The following NEMP2 variants were observed in gnomAD, a reference collection of about 807,000 sequenced individuals.
The protein encoded by NEMP2 is nuclear envelope integral membrane protein 2.
A neutral mutation model predicts 54.2 loss-of-function variants in NEMP2; 53 were observed. The observed-to-expected ratio is 0.98, with a 90% CI of 0.78 to 1.23. NEMP2 has a LOEUF of 1.23. NEMP2 is among the 50% of genes most tolerant of loss of function. The pLI is 0.00. For synonymous variants in NEMP2, 197 were observed against 190.3 expected (o/e 1.04, Z -0.29); for missense variants, 455 against 511.3 (o/e 0.89, Z 1.06).
chr2:190,492,902 A>G, the NEMP2 span, among the ~76,000 whole-genome samples: 13 of 152,138 alleles, frequency 8.5e-5, no homozygotes, highest in African/African-American at 2.2e-4. The surrounding 1 kb of genome is among the most constrained non-coding windows in gnomAD (Gnocchi z 5.2). Context: ...CAAATCCTGG[A>G]AACACATCCA....
chr2:190,613,960 A>G, the NEMP2 span, among the ~76,000 whole-genome samples: 5 of 121,998 alleles, frequency 4.1e-5, no homozygotes, highest in African/African-American at 1.0e-4. Context: ...TAAACTTGAG[A>G]AAGCATTTGA....
the NEMP2 span, among the ~76,000 whole-genome samples, chr2:190,431,130 C>G: frequency 6.6e-6 from 1 of 150,538 alleles, no homozygotes; most frequent in African/African-American, 2.4e-5. This position sits in a 1 kb window ranked among gnomAD's most constrained non-coding sequence, Gnocchi z 4.4. Flanking sequence ...GAGGCGCTCC[C>G]CACATCTCAG....
At chr2:190,452,398 G>A in the NEMP2 span, among the ~76,000 whole-genome samples, 40 of 152,204 alleles carry the variant, frequency 2.6e-4, no homozygotes, top group African/African-American at 6.5e-4. Flanking sequence ...CAAAAGCATC[G>A]TGCTAAATGC....
chr2:190,489,423 A>G, the NEMP2 span, among the ~76,000 whole-genome samples: 1 of 152,216 alleles, frequency 6.6e-6, no homozygotes, highest in African/African-American at 2.4e-5. The surrounding 1 kb of genome is among the most constrained non-coding windows in gnomAD (Gnocchi z 6.6). Flanking sequence ...TGTTCCAACT[A>G]CAGATTAATA....
chr2:190,525,656 C>T lies in NEMP2; in HGVS notation c.98-278G>A, dbSNP rs1196326299. Among the ~76,000 whole-genome samples, 2 of 152,008 alleles carry T rather than the reference C, an allele frequency of 1.3e-5. No individual in the cohort carries two copies. The highest frequency in any genetic ancestry group is 4.8e-5 in the African/African-American group (2 of 41,362). ...CTGAAGCAGAAGGCAGAATTATGGG[C>T]ACCTTCTCAGAAAAGACAAAAATAT... On this transcript the variant is annotated intron_variant, in intron 1 of 8. Coordinates refer to ENST00000409150, the MANE Select transcript of NEMP2 (RefSeq NM_001142645.2). The surrounding 1 kb of genome is among the most constrained non-coding windows in gnomAD (Gnocchi z 5.0).
the NEMP2 span, among the ~76,000 whole-genome samples, chr2:190,557,947 A>G: frequency 1.3e-5 from 2 of 152,236 alleles, no homozygotes; most frequent in African/African-American, 4.8e-5. Context: ...TAGAAATACC[A>G]TGTGACCTAA....
chr2:190,587,410 C>T, the NEMP2 span, among the ~76,000 whole-genome samples: 6 of 152,164 alleles, frequency 3.9e-5, no homozygotes, highest in Non-Finnish European at 7.3e-5. The surrounding 1 kb of genome is among the most constrained non-coding windows in gnomAD (Gnocchi z 5.4). Context: ...GGCAAAAACA[C>T]GGATACTCTG....
chr2:190,647,577 T>G, the NEMP2 span, among the ~76,000 whole-genome samples: 1 of 152,214 alleles, frequency 6.6e-6, no homozygotes, highest in African/African-American at 2.4e-5. Context: ...TAATGAATGC[T>G]CTCTAATCTT....
intron 1 of NEMP2, 114 bp downstream of exon 1, chr2:190,534,445 C>T: frequency 5.7e-6 from 7 of 1,230,548 alleles, no homozygotes; most frequent in South Asian, 3.5e-5. Flanking sequence ...AAGGGAGCGC[C>T]CGCCCCAGTG....
At chr2:190,441,640 G>A in the NEMP2 span, among the ~76,000 whole-genome samples, 1 of 151,974 alleles carries the variant, frequency 6.6e-6, no homozygotes, top group East Asian at 1.9e-4. Flanking sequence ...AAGACTCTAG[G>A]GAAGCTACAG....
chr2:190,431,203 C>T, the NEMP2 span, among the ~76,000 whole-genome samples: 1 of 150,578 alleles, frequency 6.6e-6, no homozygotes, highest in Non-Finnish European at 1.5e-5. This position sits in a 1 kb window ranked among gnomAD's most constrained non-coding sequence, Gnocchi z 4.4. Flanking sequence ...CGGGAAGAGG[C>T]GCTCCTCACT....
the NEMP2 span, chr2:190,617,136 A>AG: frequency 6.6e-6 from 1 of 152,110 alleles, no homozygotes; most frequent in South Asian, 2.1e-4. The surrounding 1 kb of genome is among the most constrained non-coding windows in gnomAD (Gnocchi z 5.0). Context: ...AAAAAAAAAA[A>AG]AAGAATATTT....
the NEMP2 span, among the ~76,000 whole-genome samples, chr2:190,603,883 C>G: frequency 1.3e-5 from 2 of 151,960 alleles, no homozygotes; most frequent in African/African-American, 4.8e-5. Context: ...TTTACACCCC[C>G]CACCTTTTTA....
the NEMP2 span, chr2:190,609,502 A>C: frequency 6.6e-6 from 1 of 151,994 alleles, no homozygotes; most frequent in Non-Finnish European, 1.5e-5. This position sits in a 1 kb window ranked among gnomAD's most constrained non-coding sequence, Gnocchi z 4.7. Context: ...GAATTCCTTC[A>C]TTATCTTGTC....
the NEMP2 span, among the ~76,000 whole-genome samples, chr2:190,615,072 T>C: frequency 6.6e-6 from 1 of 152,252 alleles, no homozygotes. The surrounding 1 kb of genome is among the most constrained non-coding windows in gnomAD (Gnocchi z 4.7). Context: ...TGTGGGGTTT[T>C]CTCCACATTG....
At chr2:190,452,266 CAAT>C in the NEMP2 span, among the ~76,000 whole-genome samples, 16 of 152,034 alleles carry the variant, frequency 1.1e-4, no homozygotes, top group South Asian at 2.1e-3. Context: ...AAAACAACAA[CAAT>C]AACACAACAA....
the NEMP2 span, chr2:190,437,686 T>C: frequency 1.8e-6 from 2 of 1,137,752 alleles, no homozygotes; most frequent in South Asian, 1.7e-5. This position sits in a 1 kb window ranked among gnomAD's most constrained non-coding sequence, Gnocchi z 5.9. Context: ...GGAGTGGAAA[T>C]GGGGATTTCT....
chr2:190,471,158 C>T, the NEMP2 span, among the ~76,000 whole-genome samples: 4 of 152,136 alleles, frequency 2.6e-5, no homozygotes, highest in East Asian at 1.9e-4. This position sits in a 1 kb window ranked among gnomAD's most constrained non-coding sequence, Gnocchi z 4.7. Context: ...CAGGTCTCAG[C>T]GTAAGTGACA....
At chr2:190,578,829 A>G in the NEMP2 span, among the ~76,000 whole-genome samples, 732 of 152,136 alleles carry the variant, frequency 4.8e-3, 9 homozygotes, top group African/African-American at 0.017. This position sits in a 1 kb window ranked among gnomAD's most constrained non-coding sequence, Gnocchi z 4.4. Flanking sequence ...AGGAACACCC[A>G]TTTCACAAAG....
Sources: gnomAD v4.1 joint callset for allele counts (sites outside exome capture counted in the v4.1 genomes callset) on GRCh38, gnomAD v4.1.1 for gene constraint, Gnocchi (gnomAD v3.1) non-coding constraint, MANE v1.5 for transcripts, NCBI Gene and HGNC (gene_info 2026-07-23, HGNC 2026-07-21) for gene names.